NSD2: variants seen among roughly 807,000 people sequenced by gnomAD.
The protein encoded by NSD2 is histone-lysine N-methyltransferase NSD2.
In NSD2, 12 loss-of-function variants were observed where a neutral mutation model predicts 139.0. The ratio of observed to expected loss-of-function variants is 0.09; its 90% CI spans 0.06 to 0.14. The LOEUF is 0.14. Among genes scored for constraint, NSD2 ranks in the 10% least tolerant of loss-of-function variants. The probability of loss-of-function intolerance (pLI) is 1.00; values close to 1 mark genes in which losing one functional copy is unlikely to be tolerated. For synonymous variants in NSD2, 669 were observed against 648.7 expected, an observed-to-expected ratio of 1.03 and a Z score of -0.48; for missense variants, 1,155 against 1,745.0, an observed-to-expected ratio of 0.66 and a Z score of 6.02.
Position 1,896,280 on chromosome 4 carries a change from A to G in NSD2, c.-29-4346A>G, listed in dbSNP as rs116022053. On this transcript the variant is annotated intron_variant, in intron 1 of 21. Coordinates refer to ENST00000508803, the MANE Select transcript of NSD2 (RefSeq NM_001042424.3). ...TTCCGGCTGCCAAGCCCCAGCACCTAAACCCTGGGGTCCTGCCATGGGCAG... is the reference window on the plus strand; with the variant it reads ...TTCCGGCTGCCAAGCCCCAGCACCTGAACCCTGGGGTCCTGCCATGGGCAG... 1.4e-3 allele frequency among the ~76,000 whole-genome samples: 220 copies of G among 152,346 alleles called. 3 individuals are homozygous for G. Among genetic ancestry groups the G allele is most frequent in the African/African-American group, 4.8e-3 (201 of 41,584 alleles).
chr4:1,896,478 C>T (rs2108728119), intron 1 of NSD2, among the ~76,000 whole-genome samples: 1 of 152,384 alleles, frequency 6.6e-6, no homozygotes, highest in South Asian at 2.1e-4. Flanking sequence ...AAGCCATCCT[C>T]ACACCTCAGC....
chr4:1,883,501 G>A (rs920490246), intron 1 of NSD2, among the ~76,000 whole-genome samples: 15 of 151,938 alleles, frequency 9.9e-5, no homozygotes, highest in African/African-American at 3.6e-4. Flanking sequence ...GCGTGGTGGC[G>A]CACACCTGTA....
chr4:1,952,006 G>A (rs1438420385), intron 10 of NSD2, 102 bp from the exon 11 acceptor site: 2 of 1,514,690 alleles, frequency 1.3e-6, no homozygotes, highest in African/African-American at 1.4e-5. Context: ...TAGCAAAATG[G>A]GATTTTCTGC....
chr4:1,964,407 GC>G (rs997025961), intron 18 of NSD2, among the ~76,000 whole-genome samples: 19 of 152,284 alleles, frequency 1.2e-4, no homozygotes, highest in African/African-American at 4.1e-4. Flanking sequence ...TCCAGGGGAG[GC>G]TTGGATGGCA....
Position 1,904,243 on chromosome 4 carries a change from A to AG in NSD2, c.625_626insG (p.Asn209ArgfsTer16). 1 of 1,613,912 alleles carries AG rather than the reference A, an allele frequency of 6.2e-7. No homozygotes were observed. The highest frequency in any genetic ancestry group is 1.1e-5 in the South Asian group (1 of 91,020). On this transcript the variant is annotated frameshift_variant, in exon 3 of 22. Coordinates refer to ENST00000508803, the MANE Select transcript of NSD2 (RefSeq NM_001042424.3). LOFTEE classifies it high-confidence loss of function. ...TCCAGCTAAGAAAGAGTCTTGTCCA[A>AG]ACACTGGAAGAGACAAAGACCACCT...
At chr4:1,884,973 G>A (rs1714972434) in intron 1 of NSD2, among the ~76,000 whole-genome samples, 1 of 151,956 alleles carries the variant, frequency 6.6e-6, no homozygotes, top group South Asian at 2.1e-4. Flanking sequence ...AGCCAGGCGT[G>A]GTGGCGGCAA....
rs1207158108 is a variant in NSD2, at chr4:1,956,588, C to T, written c.2881+400C>T. ...GCATGAGGAATCAGGGGTGGTCAAG[C>T]AGACAAGGTGCTTGGCCTCTGATTC... On this transcript the variant is annotated intron_variant, in intron 15 of 21. Transcript: ENST00000508803. The surrounding 1 kb of genome is among the most constrained non-coding windows in gnomAD (Gnocchi z 5.3). Among the ~76,000 whole-genome samples the T allele has an allele frequency of 6.6e-6, 1 of 152,168 alleles. No homozygotes were observed. Among genetic ancestry groups the T allele is most frequent in the Non-Finnish European group, 1.5e-5 (1 of 68,034 alleles).
intron 1 of NSD2, among the ~76,000 whole-genome samples, chr4:1,872,633 A>AGAGAGAGAGCGC (rs1203166315): frequency 7.6e-6 from 1 of 131,036 alleles, no homozygotes; most frequent in African/African-American, 2.8e-5. Flanking sequence ...AGAGAGAGAG[A>AGAGAGAGAGCGC]GAGCGCGCAG....
At chr4:1,905,424 C>A (rs974506081) in intron 3 of NSD2, among the ~76,000 whole-genome samples, 2 of 152,268 alleles carry the variant, frequency 1.3e-5, no homozygotes, top group African/African-American at 4.8e-5. Flanking sequence ...GCTGACCAGT[C>A]AGCCTCTTAT....
intron 1 of NSD2, among the ~76,000 whole-genome samples, chr4:1,889,502 G>A (rs1460200948): frequency 6.6e-6 from 1 of 150,698 alleles, no homozygotes; most frequent in African/African-American, 2.4e-5. Context: ...GCCAAGATTT[G>A]ACTTTTTTTT....
intron 1 of NSD2, among the ~76,000 whole-genome samples, chr4:1,893,389 G>A (rs1429423379): frequency 6.6e-6 from 1 of 152,216 alleles, no homozygotes; most frequent in Admixed American, 6.5e-5. Flanking sequence ...AGAATCACTT[G>A]AACCCAGCGG....
At chr4:1,964,937 T>C (rs1027177922) in intron 18 of NSD2, among the ~76,000 whole-genome samples, 3 of 149,176 alleles carry the variant, frequency 2.0e-5, no homozygotes, top group African/African-American at 7.4e-5. Context: ...CCTGCAACAA[T>C]CAAAACAAGA....
intron 7 of NSD2, among the ~76,000 whole-genome samples, chr4:1,935,671 C>G (rs1225908456): frequency 6.6e-6 from 1 of 152,066 alleles, no homozygotes; most frequent in Non-Finnish European, 1.5e-5. Context: ...ACCAGCCTGG[C>G]CAAGATGGTA....
chr4:1,978,485 G>A (rs772005142), intron 21 of NSD2, among the ~76,000 whole-genome samples, 153 bp from the exon 22 acceptor site: 8 of 152,228 alleles, frequency 5.3e-5, no homozygotes, highest in Non-Finnish European at 1.2e-4. Flanking sequence ...CGCCCGGGCT[G>A]TGGTAGACAG....
At chr4:1,934,878 A>ATAT (rs61664298) in intron 6 of NSD2, among the ~76,000 whole-genome samples, 1 of 22,060 alleles carries the variant, frequency 4.5e-5, no homozygotes, top group African/African-American at 2.1e-4. Flanking sequence ...AAAAAAAAAA[A>ATAT]ATATATATAT....
chr4:1,979,023 A>C lies in NSD2; in HGVS notation c.*114A>C. 1 of 1,345,828 alleles carries C rather than the reference A, an allele frequency of 7.4e-7. No homozygotes were observed. The highest frequency in any genetic ancestry group is 9.8e-7 in the Non-Finnish European group (1 of 1,022,478). The allele number at this position is 1,345,828 out of a possible 1,614,324, so 83.4% of individuals were successfully genotyped here. A position where few individuals can be genotyped will look rare whatever the true frequency, so the allele number is the denominator to read the frequency against. ...GACCCAGCTCGAGCCGCCAGGACACAGACGTACAGGCCTCCTCGGGAGGGA... is the reference window on the plus strand; with the variant it reads ...GACCCAGCTCGAGCCGCCAGGACACCGACGTACAGGCCTCCTCGGGAGGGA... On this transcript the variant is annotated 3_prime_UTR_variant, in exon 22 of 22. Transcript: ENST00000508803.
At chr4:1,897,330 A>G (rs577797041) in intron 1 of NSD2, among the ~76,000 whole-genome samples, 1 of 152,140 alleles carries the variant, frequency 6.6e-6, no homozygotes, top group South Asian at 2.1e-4. Context: ...AAAAAGGGTT[A>G]AAAAGTTAGC....
Position 1,872,631 on chromosome 4 carries a change from A to AGAGAGAGAGAGAGAGG in NSD2, c.-30+1094_-30+1095insAGAGAGAGAGGGAGAG, listed in dbSNP as rs984225040. Among the ~76,000 whole-genome samples, 6 of 133,386 alleles carry AGAGAGAGAGAGAGAGG rather than the reference A, an allele frequency of 4.5e-5. No individual in the cohort carries two copies. The East Asian group carries it at 6.6e-4, about 15-fold the overall frequency. 87.5% of individuals were successfully genotyped at this position (133,386 alleles called of 152,430 possible). A position where few individuals can be genotyped will look rare whatever the true frequency, so the allele number is the denominator to read the frequency against. On this transcript the variant is annotated intron_variant, in intron 1 of 21. Coordinates refer to ENST00000508803, the MANE Select transcript of NSD2 (RefSeq NM_001042424.3). ...GAGAGAGAGAGAGAGAGAGAGAGAG[A>AGAGAGAGAGAGAGAGG]GAGAGCGCGCAGACCCTGTGAAGAC...
intron 2 of NSD2, among the ~76,000 whole-genome samples, chr4:1,903,761 G>A (rs1256346980): frequency 6.8e-6 from 1 of 146,124 alleles, no homozygotes; most frequent in Non-Finnish European, 1.5e-5. Context: ...TTGAGATGGA[G>A]TCTCGCCCTG....
Sources: gnomAD v4.1 joint callset for allele counts (sites outside exome capture counted in the v4.1 genomes callset) on GRCh38, gnomAD v4.1.1 for gene constraint, Gnocchi (gnomAD v3.1) non-coding constraint, MANE v1.5 for transcripts, NCBI Gene and HGNC (gene_info 2026-07-23, HGNC 2026-07-21) for gene names.